The following UFD1 variants were observed in gnomAD, a reference collection of about 807,000 sequenced individuals.
The protein encoded by UFD1 is ubiquitin recognition factor in ER-associated degradation protein 1.
UFD1 carries 13 observed loss-of-function variants against 45.9 expected under a neutral mutation model. The observed-to-expected ratio is 0.28, with a 90% CI of 0.18 to 0.45. UFD1 has a LOEUF of 0.45. Ranked by LOEUF, UFD1 falls within the 20% of genes least tolerant of loss-of-function variation. The pLI is 1.00. For synonymous variants in UFD1, 128 were observed against 139.2 expected (o/e 0.92, Z 0.56); for missense variants, 218 against 389.2 (o/e 0.56, Z 3.70).
intron 4 of UFD1, chr22:19,471,278 G>C (rs560726462): frequency 1.1e-5 from 6 of 521,992 alleles, no homozygotes; most frequent in South Asian, 4.2e-5. Context: ...GGGAGACTAC[G>C]TCAGAGGTAA....
intron 11 of UFD1, chr22:19,451,568 G>A (rs2089683026): frequency 1.0e-6 from 1 of 985,190 alleles, no homozygotes; most frequent in African/African-American, 1.7e-5. Context: ...TAGTCAGTCT[G>A]AGGCATTATC....
At chr22:19,471,590 T>C in intron 4 of UFD1, 97 bp downstream of exon 4, 3 of 1,512,548 alleles carry the variant, frequency 2.0e-6, no homozygotes, top group South Asian at 1.2e-5. Flanking sequence ...GCAGGAGGAG[T>C]AGGCGGGGCC....
intron 6 of UFD1, among the ~76,000 whole-genome samples, chr22:19,460,843 T>C (rs1265544662): frequency 1.3e-5 from 2 of 150,242 alleles, no homozygotes; most frequent in Non-Finnish European, 3.0e-5. Flanking sequence ...CACTGCAGAC[T>C]CAACTGATCC....
chr22:19,460,988 TCAAA>T (rs1480649009), intron 6 of UFD1, among the ~76,000 whole-genome samples: 2 of 152,162 alleles, frequency 1.3e-5, no homozygotes, highest in East Asian at 3.9e-4. Context: ...ACTCCTGGGC[TCAAA>T]CAATCCTCCA....
intron 4 of UFD1, chr22:19,470,147 G>C: frequency 2.2e-6 from 1 of 449,872 alleles, no homozygotes; most frequent in South Asian, 1.5e-5. Flanking sequence ...GCAAGGGGCT[G>C]AGCAGCAAAT....
intron 9 of UFD1, 92 bp from the exon 10 acceptor site, chr22:19,455,860 G>T: frequency 8.1e-7 from 1 of 1,236,076 alleles, no homozygotes; most frequent in Non-Finnish European, 1.2e-6. Flanking sequence ...GTGAGCTGGG[G>T]GTGCTGTGCA....
At chr22:19,453,601 A>G in intron 11 of UFD1, 1 of 985,544 alleles carries the variant, frequency 1.0e-6, no homozygotes, top group Non-Finnish European at 1.2e-6. Flanking sequence ...ATGGTGCCTG[A>G]AGGAGGAGCT....
chr22:19,456,346 G>C (rs36124072), intron 9 of UFD1, among the ~76,000 whole-genome samples: 16 of 151,966 alleles, frequency 1.1e-4, no homozygotes, highest in African/African-American at 3.9e-4. Context: ...TAAACTCTTC[G>C]GTAGGTTAGA....
intron 3 of UFD1, 32 bp from the exon 4 acceptor site, chr22:19,471,840 C>T (rs1021093905): frequency 6.2e-7 from 1 of 1,604,566 alleles, no homozygotes; most frequent in Admixed American, 1.7e-5. Flanking sequence ...TGAGGCACAG[C>T]TCCTATGAAG....
chr22:19,451,227 C>T, intron 11 of UFD1: 2 of 986,148 alleles, frequency 2.0e-6, no homozygotes, highest in Non-Finnish European at 2.4e-6. Flanking sequence ...ATTCTGAAAT[C>T]TCATGCCAAT....
chr22:19,470,137 G>C (rs1172241316), intron 4 of UFD1: 1 of 455,200 alleles, frequency 2.2e-6, no homozygotes, highest in Non-Finnish European at 4.4e-6. Context: ...CACAAGAATA[G>C]CAAGGGGCTG....
chr22:19,465,275 C>T lies in UFD1; in HGVS notation c.423-1G>A. The T allele has an allele frequency of 6.2e-7, 1 of 1,614,102 alleles. No individual in the cohort carries two copies. Among genetic ancestry groups the T allele is most frequent in the Non-Finnish European group, 8.5e-7 (1 of 1,179,948 alleles). On this transcript the variant is annotated splice_acceptor_variant, in intron 5 of 11. Transcript: ENST00000263202. LOFTEE classifies it high-confidence loss of function. ...AAAGTTCCTAAGTGCGTTTTCTAAT[C>T]TGCAGACACATTCTGTCAAGGCAAC...
intron 1 of UFD1, 178 bp downstream of exon 1, chr22:19,478,905 G>A (rs2089918773): frequency 2.6e-6 from 2 of 765,760 alleles, no homozygotes; most frequent in African/African-American, 3.7e-5. Flanking sequence ...CGCGACCACA[G>A]GCGGTTAGTG....
At chr22:19,451,299 T>C in intron 11 of UFD1, 1 of 985,604 alleles carries the variant, frequency 1.0e-6, no homozygotes, top group Non-Finnish European at 1.2e-6. Context: ...AAGAATTCCA[T>C]GATGTAGGAG....
intron 11 of UFD1, chr22:19,451,120 CAAAAAAAAA>C (rs34076964): frequency 5.8e-6 from 5 of 864,352 alleles, no homozygotes; most frequent in South Asian, 5.6e-5. Flanking sequence ...GACCCTGCCT[CAAAAAAAAA>C]AAAAAAAAAA....
intron 3 of UFD1, among the ~76,000 whole-genome samples, chr22:19,474,771 G>A (rs752830831): frequency 1.3e-5 from 2 of 152,160 alleles, no homozygotes; most frequent in Non-Finnish European, 2.9e-5. Flanking sequence ...ACAGAATACT[G>A]AGAACAGTTG....
At chr22:19,476,897 C>G (rs2089885970) in intron 1 of UFD1, among the ~76,000 whole-genome samples, 1 of 150,748 alleles carries the variant, frequency 6.6e-6, no homozygotes, top group Non-Finnish European at 1.5e-5. Context: ...ATCCCAGCTA[C>G]TCAGGAGGCT....
chr22:19,475,215 C>T, intron 2 of UFD1, 115 bp from the exon 3 acceptor site: 2 of 1,121,830 alleles, frequency 1.8e-6, no homozygotes, highest in Non-Finnish European at 2.5e-6. Flanking sequence ...TTAGGGTAGC[C>T]AGAATGTCCC....
At chr22:19,471,586 G>A in intron 4 of UFD1, 101 bp downstream of exon 4, 1 of 1,510,592 alleles carries the variant, frequency 6.6e-7, no homozygotes. Context: ...CTGAGCAGGA[G>A]GAGTAGGCGG....
Sources: allele counts gnomAD v4.1 joint callset (sites outside exome capture counted in the v4.1 genomes callset), GRCh38; gene constraint gnomAD v4.1.1; transcripts MANE v1.5; gene names NCBI Gene and HGNC (gene_info 2026-07-23, HGNC 2026-07-21).